LPP: variants seen among roughly 807,000 people sequenced by gnomAD.
LPP encodes lipoma-preferred partner.
A neutral mutation model predicts 60.4 loss-of-function variants in LPP; 38 were observed. The observed-to-expected ratio is 0.63, with a 90% CI of 0.49 to 0.83. The LOEUF is 0.83. LPP is among the 40% of genes least tolerant of loss of function. LPP has a pLI of 0.00. For synonymous variants in LPP, 328 were observed against 290.8 expected (o/e 1.13, Z -1.30); for missense variants, 902 against 783.6 (o/e 1.15, Z -1.80).
chr3:188,554,027 T>C (rs1307314575), intron 6 of LPP: 2 of 152,174 alleles, frequency 1.3e-5, no homozygotes, highest in African/African-American at 4.8e-5. Context: ...GTCATCTCTA[T>C]TGCTTATGAG....
At chr3:188,836,159 G>A (rs1340955730) in intron 9 of LPP, among the ~76,000 whole-genome samples, 3 of 152,230 alleles carry the variant, frequency 2.0e-5, no homozygotes, top group African/African-American at 7.2e-5. Context: ...AGACAGTAAT[G>A]AAAAATGTAT....
At chr3:188,389,771 G>A (rs892474933) in intron 3 of LPP, among the ~76,000 whole-genome samples, 20 of 37,952 alleles carry the variant, frequency 5.3e-4, no homozygotes, top group Admixed American at 1.9e-3. Flanking sequence ...GTGGGACTCC[G>A]TCTCAAAAAA....
intron 7 of LPP, among the ~76,000 whole-genome samples, chr3:188,634,543 T>C (rs570445437): frequency 6.6e-6 from 1 of 152,294 alleles, no homozygotes; most frequent in South Asian, 2.1e-4. Flanking sequence ...CGAAGCTTCA[T>C]CTGTATTTAC....
chr3:188,234,570 C>T (rs1042769221), intron 2 of LPP, among the ~76,000 whole-genome samples: 11 of 152,132 alleles, frequency 7.2e-5, no homozygotes, highest in African/African-American at 1.9e-4. Context: ...CCCAAGATCA[C>T]GTAGCCCATT....
chr3:188,196,159 C>T (rs535890220), intron 1 of LPP, among the ~76,000 whole-genome samples: 4 of 152,280 alleles, frequency 2.6e-5, no homozygotes, highest in Admixed American at 2.0e-4. Context: ...CTTGGGGTTT[C>T]TTTGCAGGCT....
Position 188,341,695 on chromosome 3 carries a change from C to T in LPP, c.-34C>T. ...GTTGGCTGAACCTTGTGTCAACCAT[C>T]CATTCCAGGAGCCAGCTATCTGAGG... is the stretch of plus-strand genomic sequence containing the variant. On this transcript the variant is annotated 5_prime_UTR_variant, in exon 3 of 12. Transcript: ENST00000617246. 4 of 985,150 alleles carry T rather than the reference C, an allele frequency of 4.1e-6. No individual in the cohort carries two copies. The highest frequency in any genetic ancestry group is 4.8e-6 in the Non-Finnish European group (4 of 829,692). The allele number at this position is 985,150 out of a possible 1,614,324, so 61.0% of individuals were successfully genotyped here.
chr3:188,469,288 A>G (rs1262633543), intron 4 of LPP, among the ~76,000 whole-genome samples: 5 of 152,130 alleles, frequency 3.3e-5, no homozygotes, highest in African/African-American at 1.2e-4. Flanking sequence ...AGAAGAGCCC[A>G]TCCAGAGCTA....
At chr3:188,735,520 T>C (rs1024120502) in intron 8 of LPP, among the ~76,000 whole-genome samples, 1 of 152,008 alleles carries the variant, frequency 6.6e-6, no homozygotes, top group Non-Finnish European at 1.5e-5. Context: ...TAGCTGGGAT[T>C]ACAGGAGCCT....
chr3:188,733,905 T>A (rs1721563171), intron 8 of LPP, among the ~76,000 whole-genome samples: 1 of 152,184 alleles, frequency 6.6e-6, no homozygotes, highest in Non-Finnish European at 1.5e-5. Context: ...TTATACTTTT[T>A]AAAATATCTG....
chr3:188,708,576 G>T, intron 8 of LPP, 183 bp downstream of exon 8: 3 of 751,364 alleles, frequency 4.0e-6, no homozygotes, highest in African/African-American at 1.7e-5. Flanking sequence ...CCATAGATGT[G>T]ATGTCTACTT....
At chr3:188,260,568 A>G (rs1733230100) in intron 2 of LPP, among the ~76,000 whole-genome samples, 1 of 152,028 alleles carries the variant, frequency 6.6e-6, no homozygotes, top group African/African-American at 2.4e-5. Context: ...CAAGATAGAA[A>G]TTGTCACTAT....
At chr3:188,335,968 G>A (rs567262995) in intron 2 of LPP, among the ~76,000 whole-genome samples, 2 of 152,244 alleles carry the variant, frequency 1.3e-5, no homozygotes, top group African/African-American at 2.4e-5. Flanking sequence ...CAGTGATAGG[G>A]TCTCCATGCA....
chr3:188,778,558 A>C (rs1738556677), intron 9 of LPP, among the ~76,000 whole-genome samples: 1 of 152,214 alleles, frequency 6.6e-6, no homozygotes, highest in South Asian at 2.1e-4. Flanking sequence ...TCTTTCTAGC[A>C]GAAATGATCT....
chr3:188,753,971 G>A (rs576117809), intron 8 of LPP, among the ~76,000 whole-genome samples: 1 of 152,222 alleles, frequency 6.6e-6, no homozygotes, highest in East Asian at 1.9e-4. Flanking sequence ...AAAAACTCTT[G>A]TATTCACAGA....
intron 4 of LPP, among the ~76,000 whole-genome samples, chr3:188,477,393 G>A (rs1437389576): frequency 6.6e-6 from 1 of 152,150 alleles, no homozygotes; most frequent in African/African-American, 2.4e-5. Flanking sequence ...AGGGCAGAGT[G>A]GGACAGGAAA....
intron 1 of LPP, chr3:188,180,646 G>A (rs77428820): frequency 0.011 from 1,765 of 154,202 alleles, 30 homozygotes; most frequent in African/African-American, 0.041. Flanking sequence ...TTAGACACAA[G>A]CATTGTTTAC....
At chr3:188,343,980 T>A (rs977643185) in intron 3 of LPP, among the ~76,000 whole-genome samples, 4 of 152,364 alleles carry the variant, frequency 2.6e-5, no homozygotes, top group African/African-American at 9.6e-5. Flanking sequence ...ATCCACTGAC[T>A]GCGGTGTGTT....
intron 1 of LPP, among the ~76,000 whole-genome samples, chr3:188,210,442 G>A (rs187202856): frequency 2.7e-4 from 41 of 152,324 alleles, no homozygotes; most frequent in Non-Finnish European, 4.7e-4. Flanking sequence ...CTTTCTGATG[G>A]AAAGATGGAA....
In LPP at chr3:188,609,741, C is replaced by T. The variant is rs1383478185; in HGVS notation, c.1010C>T (p.Ala337Val). Residue 337 changes from alanine to valine, a missense_variant, in exon 7 of 12, where the codon GCA (alanine) becomes GTA (valine). Physicochemically the swap from Ala to Val is moderately conservative, Grantham distance 64. Coordinates refer to ENST00000617246, the MANE Select transcript of LPP (RefSeq NM_001375462.1). The surrounding 1 kb of genome is among the most constrained non-coding windows in gnomAD (Gnocchi z 6.9). ...KREPGYTPPG[A>V]GNQNPPGMYP... The stretch of plus-strand genomic sequence containing the variant: ...GAACCAGGGTACACTCCTCCTGGAG[C>T]AGGGAACCAGAACCCTCCTGGGATG... 1.2e-6 allele frequency: 2 copies of T among 1,614,142 alleles called. No individual in the cohort carries two copies. The highest frequency in any genetic ancestry group is 1.7e-6 in the Non-Finnish European group (2 of 1,180,026).
Sources: allele counts gnomAD v4.1 joint callset (sites outside exome capture counted in the v4.1 genomes callset), GRCh38; gene constraint gnomAD v4.1.1; non-coding constraint Gnocchi (gnomAD v3.1); transcripts MANE v1.5; gene names NCBI Gene and HGNC (gene_info 2026-07-23, HGNC 2026-07-21).